The following OLFM3 variants were observed in gnomAD, a reference collection of about 807,000 sequenced individuals.
OLFM3 encodes noelin-3.
Under a neutral mutation model 48.6 loss-of-function variants are expected in OLFM3, and 20 were observed. The observed-to-expected ratio is 0.41, with a 90% CI of 0.29 to 0.60. OLFM3 has a LOEUF of 0.60. Among genes scored for constraint, OLFM3 ranks in the 20% least tolerant of loss-of-function variants. The pLI is 0.28. For synonymous variants in OLFM3, 222 were observed against 198.1 expected (o/e 1.12, Z -1.01); for missense variants, 437 against 544.3 (o/e 0.80, Z 1.96).
At chr1:101,812,764 A>G in intron 4 of OLFM3, 19 of 988,018 alleles carry the variant, frequency 1.9e-5, no homozygotes, top group Non-Finnish European at 2.3e-5. Flanking sequence ...TGGCTCTTAA[A>G]CTAAACATTG....
intron 1 of OLFM3, among the ~76,000 whole-genome samples, chr1:101,864,804 A>G (rs1316959065): frequency 6.6e-6 from 1 of 152,150 alleles, no homozygotes; most frequent in Non-Finnish European, 1.5e-5. Context: ...CTTGTGGTCA[A>G]CTTCAATACC....
intron 1 of OLFM3, among the ~76,000 whole-genome samples, chr1:101,988,802 T>C (rs1015141525): frequency 6.6e-6 from 1 of 152,058 alleles, no homozygotes; most frequent in African/African-American, 2.4e-5. Context: ...ATGAATACAT[T>C]ACAATTTAGT....
At chr1:101,880,934 T>A (rs944055551) in intron 1 of OLFM3, among the ~76,000 whole-genome samples, 2 of 151,872 alleles carry the variant, frequency 1.3e-5, no homozygotes, top group African/African-American at 4.8e-5. Flanking sequence ...CCTGTATGCA[T>A]AGTACCAAAG....
intron 1 of OLFM3, among the ~76,000 whole-genome samples, chr1:101,934,510 T>C (rs1454339146): frequency 6.6e-6 from 1 of 152,100 alleles, no homozygotes; most frequent in African/African-American, 2.4e-5. Flanking sequence ...AAGATAACTA[T>C]AGCATAACAG....
intron 1 of OLFM3, among the ~76,000 whole-genome samples, chr1:101,903,811 A>G (rs1413928216): frequency 6.6e-6 from 1 of 152,056 alleles, no homozygotes; most frequent in Non-Finnish European, 1.5e-5. Flanking sequence ...TGATATTTTA[A>G]GCAGAAACAA....
chr1:101,811,721 A>AC (rs1297753276), intron 4 of OLFM3, among the ~76,000 whole-genome samples: 4 of 152,030 alleles, frequency 2.6e-5, no homozygotes, highest in Admixed American at 6.6e-5. Context: ...AAATAGGAAC[A>AC]TTTTACACTG....
In OLFM3 at chr1:101,879,573, A is replaced by T. The variant is rs192488370; in HGVS notation, c.70-42548T>A. ...ATACATTGGGTCTGGGTCAAAAATCATGTATTCCTATCTTTTAACATGGCT... is the reference window on the plus strand; with the variant it reads ...ATACATTGGGTCTGGGTCAAAAATCTTGTATTCCTATCTTTTAACATGGCT... On this transcript the variant is annotated intron_variant, in intron 1 of 5. Transcript: ENST00000370103. Among the ~76,000 whole-genome samples the T allele has an allele frequency of 2.5e-3, 378 of 151,954 alleles. 2 individuals carry two copies. Among genetic ancestry groups the T allele is most frequent in the African/African-American group, 7.2e-3 (297 of 41,522 alleles).
At chr1:101,893,021 C>G (rs1658062347) in intron 1 of OLFM3, 1 of 153,354 alleles carries the variant, frequency 6.5e-6, no homozygotes, top group African/African-American at 2.4e-5. Flanking sequence ...TCATTCTAAT[C>G]AACCTCAGTT....
intron 3 of OLFM3, among the ~76,000 whole-genome samples, chr1:101,829,886 G>A (rs1020019104): frequency 6.6e-6 from 1 of 151,820 alleles, no homozygotes; most frequent in Non-Finnish European, 1.5e-5. Flanking sequence ...CCAGGCTGGA[G>A]TGCAGTGGCG....
chr1:101,977,729 G>T (rs1021157746), intron 1 of OLFM3, among the ~76,000 whole-genome samples: 2 of 151,824 alleles, frequency 1.3e-5, no homozygotes, highest in African/African-American at 4.8e-5. Flanking sequence ...AATAATTGTG[G>T]CCAAGATTTA....
chr1:101,904,467 A>G (rs1382018558), intron 1 of OLFM3, among the ~76,000 whole-genome samples: 1 of 152,092 alleles, frequency 6.6e-6, no homozygotes, highest in Non-Finnish European at 1.5e-5. Flanking sequence ...CCATAATTCT[A>G]CAGAAAGAGT....
intron 1 of OLFM3, among the ~76,000 whole-genome samples, chr1:101,937,315 A>G (rs1248623824): frequency 1.3e-5 from 2 of 152,174 alleles, no homozygotes; most frequent in Non-Finnish European, 2.9e-5. Flanking sequence ...CTGTTCATAA[A>G]ACAATACAAA....
chr1:101,848,406 A>G (rs1656093959), intron 1 of OLFM3, among the ~76,000 whole-genome samples: 1 of 152,200 alleles, frequency 6.6e-6, no homozygotes, highest in Admixed American at 6.5e-5. Flanking sequence ...ATACATATTT[A>G]TAGTGTGTGT....
chr1:101,996,615 G>A (rs76470695), intron 1 of OLFM3, 133 bp downstream of exon 1: 11,121 of 849,070 alleles, frequency 0.013, 104 homozygotes, highest in Middle Eastern at 0.029. Flanking sequence ...AAGCAGTGGG[G>A]ATACGCCAGA....
intron 1 of OLFM3, among the ~76,000 whole-genome samples, chr1:101,943,698 T>C (rs1461145030): frequency 6.6e-6 from 1 of 152,224 alleles, no homozygotes; most frequent in Non-Finnish European, 1.5e-5. Context: ...TTAGCTGGAA[T>C]GTTTTCTTAA....
intron 1 of OLFM3, among the ~76,000 whole-genome samples, chr1:101,875,733 G>A (rs1657273584): frequency 6.6e-6 from 1 of 151,300 alleles, no homozygotes; most frequent in Non-Finnish European, 1.5e-5. Context: ...GCCATATCAA[G>A]AGCTCAAAAT....
At chr1:101,895,261 T>A (rs1003389910) in intron 1 of OLFM3, among the ~76,000 whole-genome samples, 1 of 152,106 alleles carries the variant, frequency 6.6e-6, no homozygotes, top group African/African-American at 2.4e-5. Flanking sequence ...ATTGTCTTTT[T>A]TCTGTTCCAC....
At chr1:101,922,892 G>A (rs1340659404) in intron 1 of OLFM3, among the ~76,000 whole-genome samples, 1 of 152,204 alleles carries the variant, frequency 6.6e-6, no homozygotes, top group Admixed American at 6.5e-5. Context: ...AGTTTATGAT[G>A]AGGGGAGTAC....
intron 1 of OLFM3, among the ~76,000 whole-genome samples, chr1:101,955,393 C>T (rs1660257469): frequency 6.6e-6 from 1 of 151,910 alleles, no homozygotes; most frequent in Admixed American, 6.6e-5. Context: ...ATTGTCAAGC[C>T]TACTTGACAT....
Sources: allele counts gnomAD v4.1 joint callset (sites outside exome capture counted in the v4.1 genomes callset), GRCh38; gene constraint gnomAD v4.1.1; transcripts MANE v1.5; gene names NCBI Gene and HGNC (gene_info 2026-07-23, HGNC 2026-07-21).